KANK1: variants seen among roughly 807,000 people sequenced by gnomAD.
The protein encoded by KANK1 is KN motif and ankyrin repeat domains 1, also known as KN motif and ankyrin repeat domain-containing protein 1.
Under a neutral mutation model 106.2 loss-of-function variants are expected in KANK1, and 109 were observed. The observed-to-expected ratio is 1.03, with a 90% CI of 0.88 to 1.20. The LOEUF is 1.20. Ranked by LOEUF, KANK1 falls within the 50% of genes most tolerant of loss-of-function variation. KANK1 has a pLI of 0.00. For missense variants in KANK1, 2,399 were observed against 1,710.7 expected, an observed-to-expected ratio of 1.40 and a Z score of -7.10; for synonymous variants, 873 against 652.2, an observed-to-expected ratio of 1.34 and a Z score of -5.16.
intron 1 of KANK1, among the ~76,000 whole-genome samples, chr9:668,441 C>T (rs549094736): frequency 2.8e-4 from 42 of 152,080 alleles, no homozygotes; most frequent in Middle Eastern, 3.4e-3. Context: ...TCTAAGATTT[C>T]TGTTTGATTT....
At chr9:599,375 G>A (rs1460076410) in intron 1 of KANK1, among the ~76,000 whole-genome samples, 5 of 151,592 alleles carry the variant, frequency 3.3e-5, no homozygotes, top group Non-Finnish European at 7.4e-5. Context: ...TAAAATTCAA[G>A]GTAAGAACCC....
chr9:684,073 C>A lies in KANK1; in HGVS notation c.37+7064C>A, dbSNP rs1018021612. The stretch of plus-strand genomic sequence containing the variant: ...AGAACCTCAGAATTCACCCAGCCCC[C>A]GGAGAGGTTTTGAAAAGCCCCTGGC... On this transcript the variant is annotated intron_variant, in intron 2 of 11. Coordinates refer to ENST00000382297, the MANE Select transcript of KANK1 (RefSeq NM_015158.5). The A allele has an allele frequency of 3.3e-5, 23 of 688,742 alleles. No homozygotes were observed. The African/African-American group carries it at 4.3e-4, about 13-fold the overall frequency. The allele number at this position is 688,742 out of a possible 1,614,324, so 42.7% of individuals were successfully genotyped here. A position where few individuals can be genotyped will look rare whatever the true frequency, so the allele number is the denominator to read the frequency against.
rs779935555 is a variant in KANK1 at position 711,350 on chromosome 9, C to G, written c.584C>G (p.Ser195Cys). The G allele has an allele frequency of 6.2e-7, 1 of 1,614,124 alleles. No individual in the cohort carries two copies. Among genetic ancestry groups the G allele is most frequent in the Non-Finnish European group, 8.5e-7 (1 of 1,180,038 alleles). ...TTTGGAGGCATGGGCACCACAAGCTCCCTCCCTTCTTTTGTGGGTTCTGGA... is the reference window on the plus strand; with the variant it reads ...TTTGGAGGCATGGGCACCACAAGCTGCCTCCCTTCTTTTGTGGGTTCTGGA... ...ASFGGMGTTS[S>C]LPSFVGSGNH... The change falls in exon 3 of 12, where the codon TCC (serine) becomes TGC (cysteine). Residue 195 changes from serine to cysteine, a missense_variant. Transcript: ENST00000382297.
chr9:607,586 G>A (rs926072738), intron 1 of KANK1, among the ~76,000 whole-genome samples: 1 of 150,018 alleles, frequency 6.7e-6, no homozygotes, highest in African/African-American at 2.5e-5. Flanking sequence ...GCAGATTCCT[G>A]CTCCTGCCCA....
intron 2 of KANK1, among the ~76,000 whole-genome samples, chr9:703,716 G>C (rs1823281442): frequency 6.6e-6 from 1 of 151,272 alleles, no homozygotes; most frequent in South Asian, 2.1e-4. Context: ...TTTTTAAACT[G>C]CTCTTTTTTT....
intron 1 of KANK1, among the ~76,000 whole-genome samples, chr9:619,509 A>G (rs923972796): frequency 6.6e-5 from 10 of 152,164 alleles, no homozygotes; most frequent in African/African-American, 2.4e-4. Flanking sequence ...AAGAGCCAAC[A>G]TTAGTTCAGA....
At chr9:629,077 C>CAAAAA (rs34834497) in intron 1 of KANK1, among the ~76,000 whole-genome samples, 17,828 of 132,068 alleles carry the variant, frequency 0.13, 1,211 homozygotes, top group Non-Finnish European at 0.17. Context: ...CAACTGTTTC[C>CAAAAA]AAAAAAAAAA....
intron 1 of KANK1, among the ~76,000 whole-genome samples, chr9:658,327 A>G (rs1040503986): frequency 1.3e-5 from 2 of 152,156 alleles, no homozygotes; most frequent in African/African-American, 2.4e-5. Flanking sequence ...TCTTCCTACT[A>G]TGACCAACAG....
intron 1 of KANK1, among the ~76,000 whole-genome samples, chr9:539,846 T>C (rs1456630999): frequency 1.3e-5 from 2 of 152,322 alleles, no homozygotes; most frequent in African/African-American, 4.8e-5. Flanking sequence ...AGATAGTTCA[T>C]TATTAGTATA....
At chr9:542,408 A>T (rs1008114774) in intron 1 of KANK1, among the ~76,000 whole-genome samples, 12 of 152,246 alleles carry the variant, frequency 7.9e-5, no homozygotes, top group African/African-American at 2.4e-4. Context: ...GCAAAAGGTA[A>T]CAAGTGTGTT....
At chr9:544,996 C>A (rs115948129) in intron 1 of KANK1, among the ~76,000 whole-genome samples, 213 of 152,154 alleles carry the variant, frequency 1.4e-3, no homozygotes, top group African/African-American at 4.6e-3. Context: ...TGCAGTAATC[C>A]CCCAGTGAGA....
At chr9:554,441 G>A (rs1459748394) in intron 1 of KANK1, among the ~76,000 whole-genome samples, 1 of 152,136 alleles carries the variant, frequency 6.6e-6, no homozygotes, top group African/African-American at 2.4e-5. Flanking sequence ...CCATGTTGGC[G>A]GTCTTAACCC....
At chr9:650,267 G>C (rs1840593117) in intron 1 of KANK1, among the ~76,000 whole-genome samples, 1 of 152,138 alleles carries the variant, frequency 6.6e-6, no homozygotes. Context: ...GTGCTTATTA[G>C]AGCCAAAGAA....
chr9:565,451 A>C (rs1817576507), intron 1 of KANK1, among the ~76,000 whole-genome samples: 1 of 152,254 alleles, frequency 6.6e-6, no homozygotes, highest in Non-Finnish European at 1.5e-5. Flanking sequence ...ATTGCAGTAA[A>C]GAAAGAGTTT....
chr9:660,017 A>T, intron 1 of KANK1: 1 of 304,932 alleles, frequency 3.3e-6, no homozygotes, highest in South Asian at 3.5e-5. Context: ...CACTCTTTCC[A>T]CCCCTTTGCT....
intron 1 of KANK1, among the ~76,000 whole-genome samples, chr9:570,570 C>T (rs1022758687): frequency 1.3e-5 from 2 of 152,184 alleles, no homozygotes; most frequent in Admixed American, 6.5e-5. Context: ...TTTCTAAATG[C>T]TGTTGATAAA....
intron 1 of KANK1, among the ~76,000 whole-genome samples, chr9:644,051 T>C (rs1184530979): frequency 6.6e-6 from 1 of 150,882 alleles, no homozygotes; most frequent in Non-Finnish European, 1.5e-5. Flanking sequence ...TGTAGTGTGG[T>C]GTGTCATTAG....
rs1816531598 is a variant in KANK1, at chr9:676,915, CATAAA to C, written c.-55_-51del. On this transcript the variant is annotated 5_prime_UTR_variant, in exon 2 of 12. Coordinates refer to ENST00000382297, the MANE Select transcript of KANK1 (RefSeq NM_015158.5). ...GTTGAATGCCTTTGAGAACTTGATG[CATAAA>C]ATTTGCATGACTCCTCACTCCTTTC... is the stretch of plus-strand genomic sequence containing the variant. The C allele has an allele frequency of 1.4e-6, 2 of 1,398,126 alleles. No individual in the cohort carries two copies. Among genetic ancestry groups the C allele is most frequent in the East Asian group, 4.6e-5 (2 of 43,356 alleles). The allele number at this position is 1,398,126 out of a possible 1,614,324, so 86.6% of individuals were successfully genotyped here. A position where few individuals can be genotyped will look rare whatever the true frequency, so the allele number is the denominator to read the frequency against.
chr9:631,035 C>T (rs1343766982), intron 1 of KANK1, among the ~76,000 whole-genome samples: 1 of 152,102 alleles, frequency 6.6e-6, no homozygotes, highest in Non-Finnish European at 1.5e-5. Context: ...GAGGGTATGA[C>T]TGGTTGGTAG....
Sources: gnomAD v4.1 joint callset for allele counts (sites outside exome capture counted in the v4.1 genomes callset) on GRCh38, gnomAD v4.1.1 for gene constraint, MANE v1.5 for transcripts, NCBI Gene and HGNC (gene_info 2026-07-23, HGNC 2026-07-21) for gene names.